Variants in OXR1 observed in about 807,000 individuals in gnomAD.
OXR1 encodes the protein oxidation resistance 1.
Under a neutral mutation model 104.6 loss-of-function variants are expected in OXR1, and 41 were observed. The ratio of observed to expected loss-of-function variants is 0.39; its 90% CI spans 0.31 to 0.51. OXR1 has a LOEUF of 0.51. Among genes scored for constraint, OXR1 ranks in the 20% least tolerant of loss-of-function variants. OXR1 has a pLI of 0.77. For missense variants in OXR1, 955 were observed against 1,031.9 expected (o/e 0.93, Z 1.02); for synonymous variants, 348 against 348.4 (o/e 1.00, Z 0.01).
At chr8:106,605,605 A>G (rs1316752831) in intron 3 of OXR1, among the ~76,000 whole-genome samples, 1 of 148,284 alleles carries the variant, frequency 6.7e-6, no homozygotes, top group Admixed American at 6.8e-5. Context: ...GACTAGCTTG[A>G]CCAATATGGT....
chr8:106,366,843 G>T (rs1055840223), intron 2 of OXR1, among the ~76,000 whole-genome samples: 7 of 151,418 alleles, frequency 4.6e-5, no homozygotes, highest in Non-Finnish European at 1.0e-4. Flanking sequence ...CAAGTTTAGG[G>T]GAGCATAAAT....
At chr8:106,599,130 G>A (rs1450371889) in intron 3 of OXR1, among the ~76,000 whole-genome samples, 1 of 152,196 alleles carries the variant, frequency 6.6e-6, no homozygotes, top group African/African-American at 2.4e-5. Flanking sequence ...AAAGGCAAAT[G>A]TGAGGATGAC....
intron 2 of OXR1, among the ~76,000 whole-genome samples, chr8:106,403,813 G>T (rs977424358): frequency 3.9e-5 from 6 of 152,100 alleles, no homozygotes; most frequent in African/African-American, 1.4e-4. Context: ...TCCCACACAT[G>T]TTCCCTGGAT....
At chr8:106,637,907 A>G (rs1433882891) in intron 3 of OXR1, among the ~76,000 whole-genome samples, 4 of 151,510 alleles carry the variant, frequency 2.6e-5, no homozygotes, top group Admixed American at 6.6e-5. Context: ...GACTACAGGC[A>G]CCCACCACCA....
chr8:106,384,731 C>CTT (rs66711083), intron 2 of OXR1, among the ~76,000 whole-genome samples: 1 of 142,168 alleles, frequency 7.0e-6, no homozygotes, highest in Non-Finnish European at 1.5e-5. Context: ...TTTCTTTTTT[C>CTT]TTTTTTTTTT....
chr8:106,567,415 C>G (rs1395090198), intron 3 of OXR1, among the ~76,000 whole-genome samples: 1 of 152,126 alleles, frequency 6.6e-6, no homozygotes, highest in African/African-American at 2.4e-5. Flanking sequence ...GGGGGAGATA[C>G]TTAGTTTAAT....
intron 11 of OXR1, among the ~76,000 whole-genome samples, chr8:106,728,217 G>GAAAAAA (rs1164061309): frequency 2.3e-5 from 2 of 85,798 alleles, no homozygotes; most frequent in African/African-American, 4.2e-5. Context: ...TTCTAAACTG[G>GAAAAAA]AAAAAAAAAA....
chr8:106,681,673 C>A (rs953499270), intron 4 of OXR1, among the ~76,000 whole-genome samples: 5 of 151,994 alleles, frequency 3.3e-5, no homozygotes, highest in Admixed American at 6.6e-5. Context: ...TACAGGCATG[C>A]ATCACCACGC....
intron 3 of OXR1, among the ~76,000 whole-genome samples, chr8:106,559,756 G>A (rs1047921956): frequency 2.6e-5 from 4 of 152,084 alleles, no homozygotes; most frequent in Non-Finnish European, 5.9e-5. Flanking sequence ...CCTCTTTTAT[G>A]AGGGTCTTAA....
At chr8:106,685,696 TAA>T (rs61159962) in intron 6 of OXR1, among the ~76,000 whole-genome samples, 20 of 135,818 alleles carry the variant, frequency 1.5e-4, no homozygotes, top group Non-Finnish European at 1.4e-4. Flanking sequence ...TGGGATAGAT[TAA>T]AAAAAAAAAA....
intron 3 of OXR1, among the ~76,000 whole-genome samples, chr8:106,647,833 T>C (rs762040608): frequency 1.3e-5 from 2 of 152,232 alleles, no homozygotes; most frequent in Non-Finnish European, 2.9e-5. Flanking sequence ...CAGGTAGATA[T>C]AATTTGTTAC....
chr8:106,607,096 A>G (rs1280035790), intron 3 of OXR1, among the ~76,000 whole-genome samples: 1 of 152,190 alleles, frequency 6.6e-6, no homozygotes, highest in African/African-American at 2.4e-5. Flanking sequence ...TGTCTGACCT[A>G]AATACACATG....
intron 7 of OXR1, among the ~76,000 whole-genome samples, chr8:106,698,928 A>G (rs1157398962): frequency 1.3e-5 from 2 of 152,084 alleles, no homozygotes; most frequent in Admixed American, 6.5e-5. Context: ...ACCAGACATC[A>G]TGAATTTTAT....
chr8:106,416,798 T>A (rs531711732), intron 2 of OXR1, among the ~76,000 whole-genome samples: 2 of 152,228 alleles, frequency 1.3e-5, no homozygotes, highest in African/African-American at 4.8e-5. Context: ...TTTTAAATAT[T>A]TGCCACTTGG....
chr8:106,323,047 A>G (rs770335062), intron 1 of OXR1, among the ~76,000 whole-genome samples: 11 of 152,084 alleles, frequency 7.2e-5, no homozygotes, highest in Non-Finnish European at 1.6e-4. Flanking sequence ...CTATTTTAAA[A>G]TTTATATGGA....
rs144433673 is a variant in OXR1, at chr8:106,277,173, A to G, written c.-139+6806A>G. Among the ~76,000 whole-genome samples, 1,424 of 152,336 alleles carry G rather than the reference A, an allele frequency of 9.3e-3. 15 individuals are homozygous for G. The highest frequency in any genetic ancestry group is 0.032 in the African/African-American group (1,333 of 41,568). On this transcript the variant is annotated intron_variant, in intron 1 of 16. Coordinates refer to ENST00000517566, the MANE Select transcript of OXR1 (RefSeq NM_001198533.2). ...GATATGCATATGATCAATTGGAATAATGAAAGAGTTAAAATTGGAAACCAG... is the reference window on the plus strand; with the variant it reads ...GATATGCATATGATCAATTGGAATAGTGAAAGAGTTAAAATTGGAAACCAG...
At chr8:106,602,069 G>A (rs1333275828) in intron 3 of OXR1, among the ~76,000 whole-genome samples, 2 of 152,178 alleles carry the variant, frequency 1.3e-5, no homozygotes, top group Non-Finnish European at 1.5e-5. Flanking sequence ...ATGACGCCCA[G>A]TGATCTTGAA....
intron 2 of OXR1, among the ~76,000 whole-genome samples, chr8:106,438,971 T>C (rs8180913): frequency 6.6e-6 from 1 of 152,266 alleles, no homozygotes; most frequent in East Asian, 1.9e-4. Context: ...AGATAATCCA[T>C]GAAAGGTGCT....
intron 2 of OXR1, among the ~76,000 whole-genome samples, chr8:106,426,732 C>T (rs1819136224): frequency 1.3e-5 from 2 of 152,236 alleles, no homozygotes; most frequent in East Asian, 3.9e-4. Context: ...TAGTACCTAT[C>T]TCACAGTACA....
Sources: allele counts gnomAD v4.1 joint callset (sites outside exome capture counted in the v4.1 genomes callset), GRCh38; gene constraint gnomAD v4.1.1; transcripts MANE v1.5; gene names NCBI Gene and HGNC (gene_info 2026-07-23, HGNC 2026-07-21).